Variants in SLC25A15 observed in about 807,000 individuals in gnomAD.
SLC25A15 encodes mitochondrial ornithine transporter 1.
Under a neutral mutation model 32.3 loss-of-function variants are expected in SLC25A15, and 24 were observed. That is an observed-to-expected ratio of 0.74 (90% CI 0.54 to 1.04). The LOEUF is 1.04. SLC25A15 is among the 50% of genes least tolerant of loss of function. The pLI is 0.00. For synonymous variants in SLC25A15, 132 were observed against 142.1 expected (o/e 0.93, Z 0.51); for missense variants, 317 against 374.5 (o/e 0.85, Z 1.27).
intron 1 of SLC25A15, among the ~76,000 whole-genome samples, chr13:40,790,314 C>T (rs891279405): frequency 6.6e-6 from 1 of 152,162 alleles, no homozygotes; most frequent in African/African-American, 2.4e-5. Context: ...AGTGGGTGGT[C>T]GGCACTGTTG....
At chr13:40,803,428 A>G (rs1371733311) in intron 3 of SLC25A15, among the ~76,000 whole-genome samples, 1 of 152,086 alleles carries the variant, frequency 6.6e-6, no homozygotes, top group Non-Finnish European at 1.5e-5. Context: ...GCCTCAACTG[A>G]TCTGCCTGCC....
chr13:40,803,227 T>C (rs1325295706), intron 3 of SLC25A15, among the ~76,000 whole-genome samples: 1 of 151,866 alleles, frequency 6.6e-6, no homozygotes, highest in Non-Finnish European at 1.5e-5. Flanking sequence ...ATTCGTTTTT[T>C]TTTTTTTGAA....
At chr13:40,790,319 C>T (rs1881435586) in intron 1 of SLC25A15, among the ~76,000 whole-genome samples, 1 of 152,178 alleles carries the variant, frequency 6.6e-6, no homozygotes, top group Non-Finnish European at 1.5e-5. Flanking sequence ...GTGGTCGGCA[C>T]TGTTGTTCCT....
At chr13:40,807,234 C>T (rs1359529203) in intron 4 of SLC25A15, 60 bp from the exon 5 acceptor site, 5 of 1,528,352 alleles carry the variant, frequency 3.3e-6, no homozygotes, top group Non-Finnish European at 3.6e-6. Flanking sequence ...TGCAAATGCC[C>T]TTGTCTTTTC....
intron 5 of SLC25A15, among the ~76,000 whole-genome samples, chr13:40,808,049 T>C (rs1032590204): frequency 1.3e-5 from 2 of 152,212 alleles, no homozygotes; most frequent in Admixed American, 1.3e-4. Flanking sequence ...ATCAGGGCTA[T>C]TAAAATACTT....
Position 40,809,843 on chromosome 13 carries a change from A to G in SLC25A15, c.*176A>G, listed in dbSNP as rs1882373042. On this transcript the variant is annotated 3_prime_UTR_variant, in exon 7 of 7. Transcript: ENST00000338625. ...TGGAAGAACCTCTATTTTGCATCAT[A>G]TCATTTCTGTCCATAATTGTACTGA... The G allele has an allele frequency of 9.2e-6, 6 of 651,130 alleles. No individual in the cohort carries two copies. In the Admixed American group the frequency reaches 1.5e-4, roughly 17 times the overall value. 40.3% of individuals were successfully genotyped at this position (651,130 alleles called of 1,614,324 possible). A position where few individuals can be genotyped will look rare whatever the true frequency, so the allele number is the denominator to read the frequency against.
chr13:40,804,325 CAG>C (rs1882049153), intron 3 of SLC25A15, among the ~76,000 whole-genome samples: 1 of 152,176 alleles, frequency 6.6e-6, no homozygotes, highest in South Asian at 2.1e-4. Context: ...GGATAAAATT[CAG>C]TCCATAGCGC....
At chr13:40,791,358 A>AT (rs1275350165) in intron 1 of SLC25A15, among the ~76,000 whole-genome samples, 6 of 138,748 alleles carry the variant, frequency 4.3e-5, no homozygotes, top group Middle Eastern at 3.4e-3. Flanking sequence ...TTCTATTATT[A>AT]TTATTATTTT....
chr13:40,798,218 T>G (rs1281111144), intron 2 of SLC25A15, among the ~76,000 whole-genome samples: 1 of 150,114 alleles, frequency 6.7e-6, no homozygotes, highest in East Asian at 2.0e-4. Context: ...AGGTGGAGTT[T>G]GCAGTGAGCT....
At chr13:40,802,321 G>C (rs542303452) in intron 3 of SLC25A15, 2 of 152,326 alleles carry the variant, frequency 1.3e-5, no homozygotes, top group African/African-American at 2.4e-5. Context: ...TTGTGTACCT[G>C]GTTCTCCTTT....
chr13:40,792,539 T>A (rs1881548379), intron 1 of SLC25A15, among the ~76,000 whole-genome samples: 1 of 152,268 alleles, frequency 6.6e-6, no homozygotes, highest in Non-Finnish European at 1.5e-5. Flanking sequence ...ATGATGCTTG[T>A]GCACGGTGTG....
rs1881568902 is a variant in SLC25A15 at position 40,793,158 on chromosome 13, G to C, written c.-69G>C. 1 of 1,516,708 alleles carries C rather than the reference G, an allele frequency of 6.6e-7. No individual in the cohort carries two copies. Among genetic ancestry groups the C allele is most frequent in the African/African-American group, 1.4e-5 (1 of 73,092 alleles). The allele number at this position is 1,516,708 out of a possible 1,614,324, so 94.0% of individuals were successfully genotyped here. A position where few individuals can be genotyped will look rare whatever the true frequency, so the allele number is the denominator to read the frequency against. On this transcript the variant is annotated splice_region_variant and 5_prime_UTR_variant, in exon 2 of 7. Coordinates refer to ENST00000338625, the MANE Select transcript of SLC25A15 (RefSeq NM_014252.4). ...ATGGTGAACTCTTGCCTCCCCCCAG[G>C]GATATGTGGTGCCTGTCATAAGCTC...
intron 1 of SLC25A15, among the ~76,000 whole-genome samples, chr13:40,791,817 T>G (rs981067737): frequency 1.3e-5 from 2 of 152,224 alleles, no homozygotes; most frequent in Non-Finnish European, 1.5e-5. Context: ...TTGCCACTGG[T>G]TTTAAATTTT....
intron 4 of SLC25A15, among the ~76,000 whole-genome samples, chr13:40,805,522 T>C (rs566685824): frequency 6.6e-6 from 1 of 152,306 alleles, no homozygotes; most frequent in East Asian, 1.9e-4. Context: ...TTTGGCCTCT[T>C]GGAAACATAA....
chr13:40,799,129 T>G lies in SLC25A15; in HGVS notation c.128T>G (p.Leu43Arg), dbSNP rs1451525627. The G allele has an allele frequency of 6.2e-7, 1 of 1,614,200 alleles. No homozygotes were observed. Among genetic ancestry groups the G allele is most frequent in the Non-Finnish European group, 8.5e-7 (1 of 1,180,022 alleles). ...MKVKMQTFPD[L>R]YRGLTDCCLK... is the part of the protein sequence containing the mutation. ...GTGAAGATGCAGACGTTCCCTGACC[T>G]GTACCGGGGCCTCACCGACTGCTGC... Residue 43 changes from leucine (L) to arginine (R), a missense_variant, in exon 3 of 7, where the codon CTG becomes CGG. Coordinates refer to ENST00000338625, the MANE Select transcript of SLC25A15 (RefSeq NM_014252.4).
chr13:40,792,492 A>G (rs868452040), intron 1 of SLC25A15, among the ~76,000 whole-genome samples: 47 of 152,334 alleles, frequency 3.1e-4, no homozygotes, highest in Admixed American at 1.2e-3. Flanking sequence ...TGTGTGTGAC[A>G]GGAAGATGCT....
Position 40,808,932 on chromosome 13 carries a change from C to CAAAAAA in SLC25A15, c.781+353_781+358dup, listed in dbSNP as rs58015661. 1.7e-3 allele frequency among the ~76,000 whole-genome samples: 133 copies of CAAAAAA among 78,832 alleles called. 5 individuals are homozygous for CAAAAAA. Among genetic ancestry groups the CAAAAAA allele is most frequent in the Middle Eastern group, 9.3e-3 (1 of 108 alleles). The allele number at this position is 78,832 out of a possible 152,430, so 51.7% of individuals were successfully genotyped here. On this transcript the variant is annotated intron_variant, in intron 6 of 6. Coordinates refer to ENST00000338625, the MANE Select transcript of SLC25A15 (RefSeq NM_014252.4). ...CCTGGGCAACAGCGAGACTCTGTCT[C>CAAAAAA]AAAAAAAAAAAAAAAAAAAAAATCT...
chr13:40,790,302 A>G (rs1881435033), intron 1 of SLC25A15, among the ~76,000 whole-genome samples: 1 of 152,246 alleles, frequency 6.6e-6, no homozygotes, highest in African/African-American at 2.4e-5. Flanking sequence ...AGGGTCGAGA[A>G]AAGTGGGTGG....
Position 40,812,169 on chromosome 13 carries a change from TC to T in SLC25A15, c.*2506del, listed in dbSNP as rs1164578329. 6.6e-6 allele frequency among the ~76,000 whole-genome samples: 1 copy of T among 152,160 alleles called. No homozygotes were observed. Among genetic ancestry groups the T allele is most frequent in the Admixed American group, 6.5e-5 (1 of 15,278 alleles). On this transcript the variant is annotated 3_prime_UTR_variant, in exon 7 of 7. Transcript: ENST00000338625. ...AAGTAAACTGCTTCAGAGCCCACAG[TC>T]CCCTGCTCAGTGTCCGGAAAGAAGT...
Sources: allele counts gnomAD v4.1 joint callset (sites outside exome capture counted in the v4.1 genomes callset), GRCh38; gene constraint gnomAD v4.1.1; transcripts MANE v1.5; gene names NCBI Gene and HGNC (gene_info 2026-07-23, HGNC 2026-07-21).